RIC1: variants seen among roughly 807,000 people sequenced by gnomAD.
RIC1 encodes guanine nucleotide exchange factor subunit RIC1.
In RIC1, 88 loss-of-function variants were observed where a neutral mutation model predicts 169.0. The ratio of observed to expected loss-of-function variants is 0.52; its 90% CI spans 0.44 to 0.62. The LOEUF is 0.62. Ranked by LOEUF, RIC1 falls within the 20% of genes least tolerant of loss-of-function variation. The pLI is 0.00. For synonymous variants in RIC1, 790 were observed against 601.5 expected, an observed-to-expected ratio of 1.31 and a Z score of -4.59; for missense variants, 1,877 against 1,725.5, an observed-to-expected ratio of 1.09 and a Z score of -1.56.
rs746023758 is a variant in RIC1 at position 5,747,340 on chromosome 9, C to T, written c.1287C>T (p.Arg429=). 2.5e-6 allele frequency: 4 copies of T among 1,613,950 alleles called. No individual in the cohort carries two copies. In the East Asian group the frequency reaches 8.9e-5, roughly 36 times the overall value. Residue 429 remains arginine (R), a synonymous_variant, in exon 12 of 26, where the codon CGC becomes CGT. Coordinates refer to ENST00000414202, the MANE Select transcript of RIC1 (RefSeq NM_020829.4). Reference sequence around the variant, plus strand: ...AGGTGTTGCTTCAGGGTGAGGATCGCTTGTACTTGAACTGTGGAGAGGCTT... The same window carrying T: ...AGGTGTTGCTTCAGGGTGAGGATCGTTTGTACTTGAACTGTGGAGAGGCTT... ...QEQVLLQGED[R]LYLNCGEASQ...
chr9:5,655,464 C>T (rs538268494), intron 1 of RIC1, among the ~76,000 whole-genome samples: 4 of 152,136 alleles, frequency 2.6e-5, no homozygotes, highest in Admixed American at 2.0e-4. Context: ...CCACACCGGG[C>T]TAATTTTTGT....
intron 4 of RIC1, chr9:5,719,005 T>G (rs1362609070): frequency 6.6e-6 from 1 of 152,212 alleles, no homozygotes; most frequent in Non-Finnish European, 1.5e-5. Context: ...TTAAAATATT[T>G]CAGAAATATG....
chr9:5,735,397 G>A (rs1273209109), intron 7 of RIC1, among the ~76,000 whole-genome samples: 2 of 152,292 alleles, frequency 1.3e-5, no homozygotes, highest in South Asian at 2.1e-4. Flanking sequence ...CCAGCACAAG[G>A]GTGGGTGTTA....
chr9:5,740,282 C>T (rs191120929), intron 8 of RIC1, among the ~76,000 whole-genome samples: 1 of 152,004 alleles, frequency 6.6e-6, no homozygotes, highest in African/African-American at 2.4e-5. Context: ...ACTGTCAGTG[C>T]GTACTATTAG....
chr9:5,664,134 G>T (rs1819616101), intron 2 of RIC1, among the ~76,000 whole-genome samples: 1 of 152,090 alleles, frequency 6.6e-6, no homozygotes, highest in African/African-American at 2.4e-5. Context: ...TATTGGCCAG[G>T]TGTGGTGGCT....
At chr9:5,663,070 C>T (rs540751673) in intron 2 of RIC1, among the ~76,000 whole-genome samples, 1 of 152,256 alleles carries the variant, frequency 6.6e-6, no homozygotes, top group East Asian at 1.9e-4. Flanking sequence ...TTGATTTCTG[C>T]CTTAATTTCA....
chr9:5,727,832 T>C (rs1358827484), intron 6 of RIC1, among the ~76,000 whole-genome samples: 1 of 152,232 alleles, frequency 6.6e-6, no homozygotes, highest in Admixed American at 6.5e-5. Context: ...TGCCTGGGTA[T>C]CACTAGCGGA....
intron 2 of RIC1, among the ~76,000 whole-genome samples, chr9:5,658,878 C>A (rs1164147643): frequency 6.7e-6 from 1 of 149,892 alleles, no homozygotes. Context: ...TGAAGGACCA[C>A]CATCTACCAC....
chr9:5,678,258 T>G (rs1457714368), intron 2 of RIC1, among the ~76,000 whole-genome samples: 1 of 152,232 alleles, frequency 6.6e-6, no homozygotes, highest in South Asian at 2.1e-4. Flanking sequence ...TGTTGGACAT[T>G]TGGCTTGGTT....
chr9:5,692,237 G>T (rs1383527445), intron 3 of RIC1, among the ~76,000 whole-genome samples: 1 of 152,000 alleles, frequency 6.6e-6, no homozygotes, highest in Non-Finnish European at 1.5e-5. Flanking sequence ...AATGTTGGCT[G>T]TGCCACTTTT....
At chr9:5,738,141 T>A (rs1824844339) in intron 7 of RIC1, among the ~76,000 whole-genome samples, 1 of 152,210 alleles carries the variant, frequency 6.6e-6, no homozygotes, top group South Asian at 2.1e-4. Context: ...TATAGCCAAA[T>A]AAAAGTTCAT....
intron 15 of RIC1, among the ~76,000 whole-genome samples, chr9:5,755,289 G>C (rs965833719): frequency 6.6e-6 from 1 of 152,148 alleles, no homozygotes; most frequent in East Asian, 1.9e-4. Context: ...AATTATGGGG[G>C]ATACATTCCA....
chr9:5,758,603 GGC>G (rs1826144875), intron 17 of RIC1, among the ~76,000 whole-genome samples: 2 of 151,726 alleles, frequency 1.3e-5, no homozygotes, highest in African/African-American at 4.8e-5. Context: ...AACATTCCTT[GGC>G]TTCTCCTTCT....
intron 1 of RIC1, among the ~76,000 whole-genome samples, chr9:5,643,828 G>A (rs1291855202): frequency 2.6e-5 from 4 of 152,006 alleles, no homozygotes; most frequent in African/African-American, 9.7e-5. Flanking sequence ...AAATATTTTG[G>A]AATTTACACC....
At chr9:5,673,703 A>G (rs1820265845) in intron 2 of RIC1, among the ~76,000 whole-genome samples, 1 of 151,792 alleles carries the variant, frequency 6.6e-6, no homozygotes, top group Admixed American at 6.6e-5. Flanking sequence ...GTGGAAGAAC[A>G]GTCAGAAAAC....
In RIC1 at chr9:5,763,916, T is replaced by G. The variant is rs1290854614; in HGVS notation, c.2841+48T>G. 1 of 1,526,792 alleles carries G rather than the reference T, an allele frequency of 6.5e-7. No individual in the cohort carries two copies. Among genetic ancestry groups the G allele is most frequent in the Admixed American group, 2.1e-5 (1 of 47,116 alleles). The allele number at this position is 1,526,792 out of a possible 1,614,324, so 94.6% of individuals were successfully genotyped here. A position where few individuals can be genotyped will look rare whatever the true frequency, so the allele number is the denominator to read the frequency against. ...GGGGCAAGAATTAATGAGCTTAAAC[T>G]TAGAAAAATAGAAATGTCCTGTTTT... is the stretch of plus-strand genomic sequence containing the variant. On this transcript the variant is annotated intron_variant, in intron 19 of 25. Coordinates refer to ENST00000414202, the MANE Select transcript of RIC1 (RefSeq NM_020829.4). The surrounding 1 kb of genome is among the most constrained non-coding windows in gnomAD (Gnocchi z 5.2).
At chr9:5,692,285 A>T (rs1040450965) in intron 3 of RIC1, among the ~76,000 whole-genome samples, 1 of 152,072 alleles carries the variant, frequency 6.6e-6, no homozygotes, top group Non-Finnish European at 1.5e-5. Flanking sequence ...TAATACCACC[A>T]AAAACTTTCC....
chr9:5,681,136 A>T (rs1347283019), intron 2 of RIC1, among the ~76,000 whole-genome samples: 1 of 151,590 alleles, frequency 6.6e-6, no homozygotes, highest in Non-Finnish European at 1.5e-5. Flanking sequence ...GATTTTTTTT[A>T]AGGTTTTTTT....
chr9:5,754,955 C>T (rs978554282), intron 15 of RIC1, 25 bp downstream of exon 15: 2 of 1,396,130 alleles, frequency 1.4e-6, no homozygotes, highest in South Asian at 1.5e-5. Flanking sequence ...TCAGAAATAA[C>T]AGATTTTTAT....
Sources: gnomAD v4.1 joint callset for allele counts (sites outside exome capture counted in the v4.1 genomes callset) on GRCh38, gnomAD v4.1.1 for gene constraint, Gnocchi (gnomAD v3.1) non-coding constraint, MANE v1.5 for transcripts, NCBI Gene and HGNC (gene_info 2026-07-23, HGNC 2026-07-21) for gene names.